DDX41: variants seen among roughly 807,000 people sequenced by gnomAD.
DDX41 encodes DEAD-box helicase 41.
DDX41 carries 50 observed loss-of-function variants against 78.8 expected under a neutral mutation model. The observed-to-expected ratio is 0.63, with a 90% CI of 0.51 to 0.80. DDX41 has a LOEUF of 0.80. Among genes scored for constraint, DDX41 ranks in the 30% least tolerant of loss-of-function variants. The pLI, the probability that DDX41 is intolerant of heterozygous loss-of-function variation, is 0.00. For missense variants in DDX41, 633 were observed against 849.2 expected (o/e 0.75, Z 3.16); for synonymous variants, 381 against 321.5 (o/e 1.19, Z -1.98).
Position 177,513,965 on chromosome 5 carries a change from C to A in DDX41, c.936-118G>T. ...CCTCCTTCCTATTTCTTTGTCTGTC[C>A]CCTTCTCATCATTCCCACCACCTGC... On this transcript the variant is annotated intron_variant, in intron 9 of 16. Coordinates refer to ENST00000330503, the MANE Select transcript of DDX41 (RefSeq NM_016222.4). The surrounding 1 kb of genome is among the most constrained non-coding windows in gnomAD (Gnocchi z 4.6). The A allele has an allele frequency of 9.5e-7, 1 of 1,047,296 alleles. No homozygotes were observed. The highest frequency in any genetic ancestry group is 1.4e-6 in the Non-Finnish European group (1 of 704,118). The allele number at this position is 1,047,296 out of a possible 1,614,324, so 64.9% of individuals were successfully genotyped here.
At position 177,513,876 on chromosome 5, in the gene DDX41, G is replaced by A. The variant is rs77955864; in HGVS notation, c.936-29C>T. 2,993 of 1,610,582 alleles carry A rather than the reference G, an allele frequency of 1.9e-3. 56 individuals are homozygous for A. The African/African-American group carries it at 0.036, about 19-fold the overall frequency. ...GGGACCAAGGAGAGACCCTGAGGTT[G>A]GGGCCACTGGCCTATCACCTATCTA... On this transcript the variant is annotated intron_variant, in intron 9 of 16. Transcript: ENST00000330503. The surrounding 1 kb of genome is among the most constrained non-coding windows in gnomAD (Gnocchi z 4.6).
intron 15 of DDX41, 39 bp downstream of exon 15, chr5:177,512,282 AC>A: frequency 1.2e-6 from 2 of 1,613,856 alleles, no homozygotes; most frequent in Middle Eastern, 1.6e-4. Flanking sequence ...CAGGCAGGGG[AC>A]CCAGGGAACA....
chr5:177,516,059 G>A (rs990829549), intron 4 of DDX41, 60 bp downstream of exon 4: 2 of 1,613,762 alleles, frequency 1.2e-6, no homozygotes, highest in African/African-American at 2.7e-5. Context: ...GATATAACAT[G>A]CCTGGGGCTG....
chr5:177,513,669 C>CGGGCGGGG lies in DDX41; in HGVS notation c.1098+8_1098+15dup. On this transcript the variant is annotated intron_variant, in intron 10 of 16. Coordinates refer to ENST00000330503, the MANE Select transcript of DDX41 (RefSeq NM_016222.4). The surrounding 1 kb of genome is among the most constrained non-coding windows in gnomAD (Gnocchi z 4.6). ...GGGGGGCGGTGCAGGGTGCCCTGGC[C>CGGGCGGGG]GGGCGGGGGCGGCACCTTGAAGTAG... The CGGGCGGGG allele has an allele frequency of 6.2e-7, 1 of 1,612,548 alleles. No homozygotes were observed. Among genetic ancestry groups the CGGGCGGGG allele is most frequent in the Non-Finnish European group, 8.5e-7 (1 of 1,179,652 alleles).
At position 177,516,818 on chromosome 5, in the gene DDX41, CT is replaced by C; in HGVS notation, c.44del (p.Glu15GlyfsTer65). 1.2e-6 allele frequency: 2 copies of C among 1,612,640 alleles called. No homozygotes were observed. Among genetic ancestry groups the C allele is most frequent in the Non-Finnish European group, 1.7e-6 (2 of 1,179,870 alleles). On this transcript the variant is annotated frameshift_variant, in exon 2 of 17. Coordinates refer to ENST00000330503, the MANE Select transcript of DDX41 (RefSeq NM_016222.4). LOFTEE classifies it high-confidence loss of function. ...CGGAGCGGCTTCCTCCGGCAGGCAC[CT>C]CGTCGGTGCGAGCCCGCTGCAAGCA... Reference protein sequence around the residue: ...EPERKRARTDEVPAGGSRSEA... With the variant: ...EPERKRARTDXVPAGGSRSEA...
At position 177,516,947 on chromosome 5, in the gene DDX41, C is replaced by T. The variant is rs776250401; in HGVS notation, c.-2G>A. The T allele has an allele frequency of 1.2e-6, 2 of 1,610,968 alleles. No homozygotes were observed. Among genetic ancestry groups the T allele is most frequent in the African/African-American group, 2.7e-5 (2 of 74,912 alleles). ...CCGTTCGGGTTCCGACTCCTCCATT[C>T]TTTGCTGCACGCATGCGCGCCACGG... is the stretch of plus-strand genomic sequence containing the variant. On this transcript the variant is annotated 5_prime_UTR_variant, in exon 1 of 17. Coordinates refer to ENST00000330503, the MANE Select transcript of DDX41 (RefSeq NM_016222.4).
chr5:177,512,743 G>A, intron 13 of DDX41, 37 bp downstream of exon 13: 1 of 1,613,228 alleles, frequency 6.2e-7, no homozygotes, highest in Non-Finnish European at 8.5e-7. Flanking sequence ...CACTGCTACT[G>A]CAGCAGGGTC....
rs2127435525 is a variant in DDX41, at chr5:177,511,889, G to A, written c.1771C>T (p.Arg591Trp). ...TCGAGTTTGGGGCAGTCAGTGATCC[G>A]ATGACCCAGGCCCCCGCAGAAGGCA... ...GCAFCGGLGH[R>W]ITDCPKLEAM... The change falls in exon 17 of 17, where the codon CGG becomes TGG. Residue 591 changes from arginine (R) to tryptophan (W), a missense_variant. By Grantham distance (101) the Arg-to-Trp change is moderately radical (BLOSUM62 -3). This residue lies in a region of DDX41 where 185 missense variants were observed against 367.4 expected (regional missense o/e 0.50). Coordinates refer to ENST00000330503, the MANE Select transcript of DDX41 (RefSeq NM_016222.4). The A allele has an allele frequency of 6.2e-7, 1 of 1,614,088 alleles. No individual in the cohort carries two copies. The highest frequency in any genetic ancestry group is 1.1e-5 in the South Asian group (1 of 91,082).
At chr5:177,516,874 C>T (rs1198595416) in intron 1 of DDX41, 39 bp from the exon 2 acceptor site, 1 of 1,613,198 alleles carries the variant, frequency 6.2e-7, no homozygotes, top group South Asian at 1.1e-5. Flanking sequence ...CTGCTCCCCT[C>T]TTCACGCCCG....
Position 177,514,966 on chromosome 5 carries a change from A to C in DDX41, c.748T>G (p.Leu250Val), listed in dbSNP as rs200707924. 1.1e-4 allele frequency: 177 copies of C among 1,613,474 alleles called. No homozygotes were observed. Among genetic ancestry groups the C allele is most frequent in the Non-Finnish European group, 1.9e-5 (23 of 1,179,612 alleles). ...GGCCCCTCGCGCTTTGAGAAGGGTA[A>C]CCTCTTCTCTTGTTCCAGGCAGAAC... ...IMFCLEQEKR[L>V]PFSKREGPYG... The change falls in exon 8 of 17, where the codon TTA (leucine) becomes GTA (valine). Residue 250 changes from leucine to valine, a missense_variant. Around this residue, in one of 6 missense-constraint regions of DDX41, gnomAD observed 151 missense variants for 169.2 expected, o/e 0.89. Transcript: ENST00000330503. The surrounding 1 kb of genome is among the most constrained non-coding windows in gnomAD (Gnocchi z 4.2).
chr5:177,515,915 C>G lies in DDX41; in HGVS notation c.434+14G>C, dbSNP rs371795310. On this transcript the variant is annotated intron_variant, in intron 5 of 16. Coordinates refer to ENST00000330503, the MANE Select transcript of DDX41 (RefSeq NM_016222.4). ...CATCCTAAGCAAGGGCAACTGCAGACTGTACAGACATACCTGGTTTTGATG... is the reference window on the plus strand; with the variant it reads ...CATCCTAAGCAAGGGCAACTGCAGAGTGTACAGACATACCTGGTTTTGATG... 38 of 1,614,110 alleles carry G rather than the reference C, an allele frequency of 2.4e-5. No individual in the cohort carries two copies. The highest frequency in any genetic ancestry group is 3.2e-5 in the Non-Finnish European group (38 of 1,180,054).
At chr5:177,516,704 C>T in intron 2 of DDX41, 21 bp downstream of exon 2, 1 of 1,569,738 alleles carries the variant, frequency 6.4e-7, no homozygotes, top group African/African-American at 1.4e-5. Flanking sequence ...CCCCATCCCT[C>T]CCCGGACGCG....
chr5:177,515,440 G>T, intron 6 of DDX41, 182 bp from the exon 7 acceptor site: 1 of 872,186 alleles, frequency 1.1e-6, no homozygotes, highest in Non-Finnish European at 1.8e-6. Context: ...CAGGCTAGGT[G>T]CAGCCAGGAT....
rs375475388 is a variant in DDX41 at position 177,512,067 on chromosome 5, G to C, written c.1732+29C>G. ...ACCCCTCCTTGCCACCTGCCGGCTG[G>C]GGACTCGGGGATCCCGCTCTGCAGT... On this transcript the variant is annotated intron_variant, in intron 16 of 16. Transcript: ENST00000330503. 470 of 1,610,248 alleles carry C rather than the reference G, an allele frequency of 2.9e-4. 2 individuals are homozygous for C. The highest frequency in any genetic ancestry group is 1.8e-4 in the Middle Eastern group (1 of 5,670).
rs1488082170 is a variant in DDX41 at position 177,516,959 on chromosome 5, C to G, written c.-14G>C. 6.2e-7 allele frequency: 1 copy of G among 1,607,624 alleles called. No individual in the cohort carries two copies. On this transcript the variant is annotated 5_prime_UTR_variant, in exon 1 of 17. It removes an upstream start codon present in the reference 5' UTR. Transcript: ENST00000330503. ...CGACTCCTCCATTCTTTGCTGCACGCATGCGCGCCACGGCGAAACCCCGCC... is the reference window on the plus strand; with the variant it reads ...CGACTCCTCCATTCTTTGCTGCACGGATGCGCGCCACGGCGAAACCCCGCC...
rs767835537 is a variant in DDX41 at position 177,512,871 on chromosome 5, G to A, written c.1308C>T (p.Leu436=). 2.4e-5 allele frequency: 39 copies of A among 1,613,932 alleles called. No homozygotes were observed. In the Middle Eastern group the frequency reaches 6.6e-4, roughly 27 times the overall value. Residue 436 remains leucine, a synonymous_variant, in exon 13 of 17, where the codon CTC becomes CTT. Coordinates refer to ENST00000330503, the MANE Select transcript of DDX41 (RefSeq NM_016222.4). ...ECLQKTPPPV[L]IFAEKKADVD... ...CGTCTGCCTTCTTCTCTGCAAAGAT[G>A]AGTACCTGTCCGGAAAGACCAACTC... is the stretch of plus-strand genomic sequence containing the variant.
Position 177,511,630 on chromosome 5 carries a change from G to T in DDX41, c.*161C>A. On this transcript the variant is annotated 3_prime_UTR_variant, in exon 17 of 17. Transcript: ENST00000330503. ...GCTGGGGTAAAAGGAAACAAAAACAGTAATTCTGAAGAGCACAGGGAACAG... is the reference window on the plus strand; with the variant it reads ...GCTGGGGTAAAAGGAAACAAAAACATTAATTCTGAAGAGCACAGGGAACAG... The T allele has an allele frequency of 2.1e-6, 2 of 969,888 alleles. No individual in the cohort carries two copies. Among genetic ancestry groups the T allele is most frequent in the Non-Finnish European group, 3.0e-6 (2 of 655,956 alleles). The allele number at this position is 969,888 out of a possible 1,614,324, so 60.1% of individuals were successfully genotyped here.
In DDX41 at chr5:177,513,674, G is replaced by T; in HGVS notation, c.1098+11C>A. ...GCGGTGCAGGGTGCCCTGGCCGGGCGGGGGCGGCACCTTGAAGTAGGAGAA... is the reference window on the plus strand; with the variant it reads ...GCGGTGCAGGGTGCCCTGGCCGGGCTGGGGCGGCACCTTGAAGTAGGAGAA... On this transcript the variant is annotated intron_variant, in intron 10 of 16. Transcript: ENST00000330503. The surrounding 1 kb of genome is among the most constrained non-coding windows in gnomAD (Gnocchi z 4.6). 1 of 1,612,888 alleles carries T rather than the reference G, an allele frequency of 6.2e-7. No individual in the cohort carries two copies. The highest frequency in any genetic ancestry group is 1.1e-5 in the South Asian group (1 of 91,068).
Position 177,516,195 on chromosome 5 carries a change from T to TG in DDX41, c.299-3dup. The TG allele has an allele frequency of 6.2e-7, 1 of 1,613,838 alleles. No homozygotes were observed. The highest frequency in any genetic ancestry group is 8.5e-7 in the Non-Finnish European group (1 of 1,179,804). On this transcript the variant is annotated splice_polypyrimidine_tract_variant and splice_region_variant and intron_variant, in intron 3 of 16. Transcript: ENST00000330503. Reference sequence around the variant, plus strand: ...TCTCCTTGGCAGACTCTTTGCGCGCTGAGAAAAGAAGTGGAAGATGTCAGA... The same window carrying TG: ...TCTCCTTGGCAGACTCTTTGCGCGCTGGAGAAAAGAAGTGGAAGATGTCAGA...
Sources: allele counts gnomAD v4.1 joint callset, GRCh38; gene constraint gnomAD v4.1.1; regional missense constraint gnomAD v4.1.1; non-coding constraint Gnocchi (gnomAD v3.1); transcripts MANE v1.5; gene names NCBI Gene and HGNC (gene_info 2026-07-23, HGNC 2026-07-21).